TTBK2: variants seen among roughly 807,000 people sequenced by gnomAD.
The protein encoded by TTBK2 is tau-tubulin kinase 2.
A neutral mutation model predicts 110.8 loss-of-function variants in TTBK2; 28 were observed. The observed-to-expected ratio is 0.25, with a 90% CI of 0.19 to 0.35. The LOEUF (loss-of-function observed/expected upper bound fraction) is 0.35. Among genes scored for constraint, TTBK2 ranks in the 10% least tolerant of loss-of-function variants. The pLI is 1.00. For missense variants in TTBK2, 1,369 were observed against 1,500.3 expected (o/e 0.91, Z 1.45); for synonymous variants, 532 against 527.3 (o/e 1.01, Z -0.12).
In TTBK2 at chr15:42,745,746, A is replaced by C. The variant is rs2061781871; in HGVS notation, c.*49T>G. 1 of 1,601,504 alleles carries C rather than the reference A, an allele frequency of 6.2e-7. No homozygotes were observed. Among genetic ancestry groups the C allele is most frequent in the Middle Eastern group, 2.0e-4 (1 of 4,988 alleles). ...GAAAGTACAGGGACACACATGCATC[A>C]GGTTTAGGAGGAAGATCTCACACCT... On this transcript the variant is annotated 3_prime_UTR_variant, in exon 15 of 15. Coordinates refer to ENST00000267890, the MANE Select transcript of TTBK2 (RefSeq NM_173500.4).
chr15:42,775,305 T>G lies in TTBK2; in HGVS notation c.1828A>C (p.Lys610Gln). The G allele has an allele frequency of 1.9e-6, 3 of 1,614,222 alleles. No individual in the cohort carries two copies. The highest frequency in any genetic ancestry group is 2.5e-6 in the Non-Finnish European group (3 of 1,180,036). The change falls in exon 13 of 15, where the codon AAG (lysine) becomes CAG (glutamine). Residue 610 changes from lysine to glutamine, a missense_variant. By Grantham distance (53) the Lys-to-Gln change is moderately conservative. Transcript: ENST00000267890. ...AAGACCACACCTGAGGTTTCCTTCT[T>G]TAAATGATCATTTTCTGCCCAAGGA... Reference protein sequence around the residue: ...LGPWAENDHLKKETSGVVLAL... With the variant: ...LGPWAENDHLQKETSGVVLAL...
At chr15:42,779,768 C>T (rs1890101555) in intron 11 of TTBK2, among the ~76,000 whole-genome samples, 1 of 151,998 alleles carries the variant, frequency 6.6e-6, no homozygotes, top group Non-Finnish European at 1.5e-5. Flanking sequence ...TTACTTGAGG[C>T]CAGGAGTTCA....
At chr15:42,906,384 A>G (rs2030399476) in intron 1 of TTBK2, among the ~76,000 whole-genome samples, 2 of 152,350 alleles carry the variant, frequency 1.3e-5, no homozygotes, top group Admixed American at 1.3e-4. Flanking sequence ...AATTCATATA[A>G]AAATATTTTT....
At position 42,794,753 on chromosome 15, in the gene TTBK2, C is replaced by G; in HGVS notation, c.871G>C (p.Glu291Gln). 1 of 1,614,088 alleles carries G rather than the reference C, an allele frequency of 6.2e-7. No individual in the cohort carries two copies. The highest frequency in any genetic ancestry group is 1.1e-5 in the South Asian group (1 of 91,076). ...TTCTCCCAGTCAAAAGGGTCACTCTCAATTACTCCAAAAGTCTTGATGCTA... is the reference window on the plus strand; with the variant it reads ...TTCTCCCAGTCAAAAGGGTCACTCTGAATTACTCCAAAAGTCTTGATGCTA... The part of the protein sequence containing the change: ...DNSIKTFGVI[E>Q]SDPFDWEKTG... Residue 291 changes from glutamate to glutamine, a missense_variant, in exon 10 of 15, where the codon GAG becomes CAG. Transcript: ENST00000267890.
At chr15:42,916,079 T>C (rs2031072803) in intron 1 of TTBK2, among the ~76,000 whole-genome samples, 1 of 152,178 alleles carries the variant, frequency 6.6e-6, no homozygotes, top group African/African-American at 2.4e-5. Flanking sequence ...ATGCCTTTAT[T>C]TATAGAATTA....
At chr15:42,869,897 C>A (rs185129886) in intron 3 of TTBK2, among the ~76,000 whole-genome samples, 1 of 152,114 alleles carries the variant, frequency 6.6e-6, no homozygotes. Context: ...AGAGTCTTGG[C>A]CAGGTGTAGT....
At chr15:42,783,755 A>AG in intron 10 of TTBK2, 120 bp from the exon 11 acceptor site, 2 of 936,344 alleles carry the variant, frequency 2.1e-6, no homozygotes, top group Non-Finnish European at 1.6e-6. Context: ...AAAAAAAAAA[A>AG]AAAAGCACCT....
chr15:42,840,473 G>T, intron 3 of TTBK2, 40 bp from the exon 4 acceptor site: 1 of 1,545,188 alleles, frequency 6.5e-7, no homozygotes, highest in South Asian at 1.1e-5. Context: ...AATATACTAT[G>T]GTTTCTCTTA....
intron 1 of TTBK2, among the ~76,000 whole-genome samples, chr15:42,902,473 T>C (rs931272351): frequency 1.3e-5 from 2 of 152,130 alleles, no homozygotes; most frequent in African/African-American, 4.8e-5. Flanking sequence ...TGAGCCGAGA[T>C]TGTGCCATTG....
intron 1 of TTBK2, among the ~76,000 whole-genome samples, chr15:42,914,181 T>C (rs2030956481): frequency 6.6e-6 from 1 of 151,998 alleles, no homozygotes. Context: ...TTTCACCATA[T>C]TGGCCAGGCT....
intron 3 of TTBK2, among the ~76,000 whole-genome samples, chr15:42,859,785 G>T (rs1011005031): frequency 1.3e-5 from 2 of 152,136 alleles, no homozygotes; most frequent in African/African-American, 4.8e-5. Context: ...AATCAGATCA[G>T]GAATTTAAAA....
chr15:42,820,375 A>G (rs1033566174), intron 6 of TTBK2, among the ~76,000 whole-genome samples: 1 of 152,186 alleles, frequency 6.6e-6, no homozygotes, highest in Non-Finnish European at 1.5e-5. Context: ...AGTAGGAGAG[A>G]GGAAGGACAA....
At chr15:42,847,775 T>C (rs753480813) in intron 3 of TTBK2, among the ~76,000 whole-genome samples, 9 of 152,262 alleles carry the variant, frequency 5.9e-5, no homozygotes, top group Non-Finnish European at 1.2e-4. Flanking sequence ...ACTTGATCTA[T>C]ATGTCTATCC....
At chr15:42,815,947 T>TATATATA (rs1188195668) in intron 7 of TTBK2, among the ~76,000 whole-genome samples, 3 of 37,446 alleles carry the variant, frequency 8.0e-5, no homozygotes, top group Non-Finnish European at 8.6e-5. Flanking sequence ...TATATATATA[T>TATATATA]TTAAAAAAAA....
At position 42,811,921 on chromosome 15, in the gene TTBK2, T is replaced by C. The variant is rs537452800; in HGVS notation, c.604-141A>G. ...CCCAAAAAATTATATGATAAACATA[T>C]ATATATATATAAATTTACATAGCTA... On this transcript the variant is annotated intron_variant, in intron 7 of 14. Coordinates refer to ENST00000267890, the MANE Select transcript of TTBK2 (RefSeq NM_173500.4). 74 of 485,988 alleles carry C rather than the reference T, an allele frequency of 1.5e-4. 1 individual carries two copies. In the Admixed American group the frequency reaches 2.3e-3, roughly 15 times the overall value. 30.1% of individuals were successfully genotyped at this position (485,988 alleles called of 1,614,324 possible). A position where few individuals can be genotyped will look rare whatever the true frequency, so the allele number is the denominator to read the frequency against.
intron 4 of TTBK2, 114 bp from the exon 5 acceptor site, chr15:42,830,192 T>A: frequency 8.5e-7 from 1 of 1,180,730 alleles, no homozygotes. Flanking sequence ...TAGCAAGAAT[T>A]TTTTTTTTTT....
intron 1 of TTBK2, among the ~76,000 whole-genome samples, chr15:42,907,263 CTA>C (rs1337108469): frequency 6.6e-6 from 1 of 152,126 alleles, no homozygotes; most frequent in Non-Finnish European, 1.5e-5. Flanking sequence ...TATGGAGGCG[CTA>C]TAGAGGTTCC....
At chr15:42,846,031 T>C (rs1893447318) in intron 3 of TTBK2, among the ~76,000 whole-genome samples, 1 of 152,056 alleles carries the variant, frequency 6.6e-6, no homozygotes, top group Admixed American at 6.6e-5. Flanking sequence ...GTGTGATGCA[T>C]GACTATATAT....
At chr15:42,756,197 C>T (rs945256162) in intron 13 of TTBK2, among the ~76,000 whole-genome samples, 5 of 150,990 alleles carry the variant, frequency 3.3e-5, no homozygotes, top group African/African-American at 1.2e-4. Context: ...ATTGCTGGAC[C>T]CTGTCTGAAA....
Sources: gnomAD v4.1 joint callset for allele counts (sites outside exome capture counted in the v4.1 genomes callset) on GRCh38, gnomAD v4.1.1 for gene constraint, MANE v1.5 for transcripts, NCBI Gene and HGNC (gene_info 2026-07-23, HGNC 2026-07-21) for gene names.